Variants in FBXO36 observed in about 807,000 individuals in gnomAD.
FBXO36 encodes the protein F-box only protein 36.
In FBXO36, 18 loss-of-function variants were observed where a neutral mutation model predicts 17.0. The ratio of observed to expected loss-of-function variants is 1.06; its 90% CI spans 0.73 to 1.57. The LOEUF (loss-of-function observed/expected upper bound fraction) is 1.57, where lower values mean the gene tolerates loss of function less well. Ranked by LOEUF, FBXO36 falls within the 40% of genes most tolerant of loss-of-function variation. The probability of loss-of-function intolerance (pLI) is 0.00; values close to 1 mark genes in which losing one functional copy is unlikely to be tolerated. For synonymous variants in FBXO36, 83 were observed against 85.3 expected, an observed-to-expected ratio of 0.97 and a Z score of 0.15; for missense variants, 229 against 221.9, an observed-to-expected ratio of 1.03 and a Z score of -0.20.
chr2:229,961,754 G>A (rs1218041969), intron 1 of FBXO36, among the ~76,000 whole-genome samples: 1 of 152,110 alleles, frequency 6.6e-6, no homozygotes, highest in Non-Finnish European at 1.5e-5. Flanking sequence ...CTTTGCATTA[G>A]GTTTACATAT....
intron 2 of FBXO36, among the ~76,000 whole-genome samples, chr2:229,990,164 A>T (rs547849788): frequency 6.6e-6 from 1 of 150,696 alleles, no homozygotes; most frequent in Non-Finnish European, 1.5e-5. Flanking sequence ...TTTCCTCTAT[A>T]AGAGGGGAAT....
intron 3 of FBXO36, among the ~76,000 whole-genome samples, chr2:229,999,252 G>A (rs1439972118): frequency 3.4e-5 from 5 of 148,202 alleles, no homozygotes; most frequent in Admixed American, 6.9e-5. Flanking sequence ...TCAGCTTCCC[G>A]AGTAACTGGG....
chr2:229,928,089 CAT>C (rs2076922041), intron 1 of FBXO36, among the ~76,000 whole-genome samples: 1 of 152,208 alleles, frequency 6.6e-6, no homozygotes, highest in African/African-American at 2.4e-5. Context: ...AATGCTATCA[CAT>C]GTGCACAAGG....
chr2:230,007,058 G>A (rs2077390720), intron 3 of FBXO36, among the ~76,000 whole-genome samples: 1 of 152,266 alleles, frequency 6.6e-6, no homozygotes, highest in African/African-American at 2.4e-5. Context: ...CCAGCATACT[G>A]GAAAGTAGAG....
chr2:229,931,521 A>C (rs7607428), intron 1 of FBXO36, among the ~76,000 whole-genome samples: 76,996 of 152,000 alleles, frequency 0.51, 19,758 homozygotes, highest in East Asian at 0.68. Context: ...AGTCTAAGAG[A>C]TCACTAAGCT....
At chr2:229,994,931 T>C (rs754686239) in intron 2 of FBXO36, among the ~76,000 whole-genome samples, 3 of 151,722 alleles carry the variant, frequency 2.0e-5, no homozygotes, top group Non-Finnish European at 4.4e-5. Context: ...CTGACCAACA[T>C]GGTGAAACCC....
At chr2:229,922,838 C>T (rs1393246523) in intron 1 of FBXO36, among the ~76,000 whole-genome samples, 2 of 152,218 alleles carry the variant, frequency 1.3e-5, no homozygotes, top group African/African-American at 4.8e-5. Flanking sequence ...TCTCTGCCTC[C>T]CCGCGGTGCC....
intron 1 of FBXO36, among the ~76,000 whole-genome samples, chr2:229,961,625 C>T (rs1269023258): frequency 6.6e-6 from 1 of 152,110 alleles, no homozygotes; most frequent in Admixed American, 6.6e-5. Context: ...CCGCCTGCCT[C>T]GGCCTCCCAA....
intron 1 of FBXO36, among the ~76,000 whole-genome samples, chr2:229,967,021 C>T (rs1454610078): frequency 6.6e-6 from 1 of 152,162 alleles, no homozygotes; most frequent in Non-Finnish European, 1.5e-5. Context: ...ATGGAATGTT[C>T]TTCCATTTGT....
chr2:230,004,565 T>A (rs2077376902), intron 3 of FBXO36, among the ~76,000 whole-genome samples: 1 of 152,200 alleles, frequency 6.6e-6, no homozygotes, highest in African/African-American at 2.4e-5. Context: ...TCCGGAGATA[T>A]TCTACACATG....
intron 1 of FBXO36, among the ~76,000 whole-genome samples, chr2:229,966,773 G>A (rs917467220): frequency 6.6e-6 from 1 of 152,136 alleles, no homozygotes; most frequent in Middle Eastern, 3.2e-3. Flanking sequence ...ATGCTGTTTT[G>A]GTTACTGTAG....
chr2:229,949,855 G>T (rs2077047994), intron 1 of FBXO36, among the ~76,000 whole-genome samples: 1 of 152,180 alleles, frequency 6.6e-6, no homozygotes, highest in Admixed American at 6.5e-5. Context: ...AACCTGGGAG[G>T]CGGAGCTTGC....
chr2:229,990,040 T>C (rs1231307708), intron 2 of FBXO36, among the ~76,000 whole-genome samples: 1 of 151,902 alleles, frequency 6.6e-6, no homozygotes, highest in African/African-American at 2.4e-5. Context: ...GGTTCAATCC[T>C]AGTTCTGCCG....
intron 1 of FBXO36, among the ~76,000 whole-genome samples, chr2:229,942,562 G>T (rs999514567): frequency 6.6e-6 from 1 of 152,114 alleles, no homozygotes; most frequent in Non-Finnish European, 1.5e-5. Flanking sequence ...CAGCTTCCAG[G>T]GGCTCCAGGA....
intron 3 of FBXO36, among the ~76,000 whole-genome samples, chr2:230,002,437 G>A (rs988425576): frequency 6.6e-6 from 1 of 150,950 alleles, no homozygotes; most frequent in Admixed American, 6.6e-5. Flanking sequence ...AGTCTGGAGT[G>A]CAATGGCATG....
chr2:229,998,345 G>A (rs535588752), intron 3 of FBXO36, among the ~76,000 whole-genome samples: 2 of 151,908 alleles, frequency 1.3e-5, no homozygotes, highest in South Asian at 2.1e-4. Flanking sequence ...TGTTATGGCC[G>A]GGCGCGGTGG....
rs1286529442 is a variant in FBXO36 at position 230,011,886 on chromosome 2, A to G, written c.*1002A>G. The G allele has an allele frequency of 6.6e-6, 1 of 151,982 alleles. No individual in the cohort carries two copies. Among genetic ancestry groups the G allele is most frequent in the Non-Finnish European group, 1.5e-5 (1 of 68,026 alleles). The allele number at this position is 151,982 out of a possible 1,614,324, so 9.4% of individuals were successfully genotyped here. The stretch of plus-strand genomic sequence containing the variant: ...TAAATATGGTTTGCATGCTGTTAAC[A>G]TGGCAGAGGGGTAAAAAGAATACAG... On this transcript the variant is annotated 3_prime_UTR_variant, in exon 4 of 4. Transcript: ENST00000283946.
intron 1 of FBXO36, among the ~76,000 whole-genome samples, chr2:229,931,087 A>G (rs1157120471): frequency 6.6e-6 from 1 of 152,090 alleles, no homozygotes; most frequent in Non-Finnish European, 1.5e-5. Flanking sequence ...GAAATTTTTA[A>G]TTTCTTTTAA....
chr2:229,992,517 G>C (rs911013301), intron 2 of FBXO36, among the ~76,000 whole-genome samples: 4 of 152,014 alleles, frequency 2.6e-5, no homozygotes, highest in African/African-American at 7.2e-5. Flanking sequence ...TTCTACTAAT[G>C]GTTTCTTCTT....
Sources: allele counts gnomAD v4.1 joint callset (sites outside exome capture counted in the v4.1 genomes callset), GRCh38; gene constraint gnomAD v4.1.1; transcripts MANE v1.5; gene names NCBI Gene and HGNC (gene_info 2026-07-23, HGNC 2026-07-21).